PLXDC1: variants seen among roughly 807,000 people sequenced by gnomAD.
PLXDC1 encodes plexin domain containing 1, also known as plexin domain-containing protein 1.
A neutral mutation model predicts 61.3 loss-of-function variants in PLXDC1; 39 were observed. The ratio of observed to expected loss-of-function variants is 0.64; its 90% CI spans 0.49 to 0.83. The LOEUF is 0.83. PLXDC1 is among the 40% of genes least tolerant of loss of function. The pLI, the probability that PLXDC1 is intolerant of heterozygous loss-of-function variation, is 0.00. For missense variants in PLXDC1, 596 were observed against 666.5 expected (o/e 0.89, Z 1.17); for synonymous variants, 212 against 254.5 (o/e 0.83, Z 1.59).
At chr17:39,107,070 G>A (rs1910620134) in intron 6 of PLXDC1, among the ~76,000 whole-genome samples, 1 of 152,168 alleles carries the variant, frequency 6.6e-6, no homozygotes, top group Non-Finnish European at 1.5e-5. Context: ...TTTGCTTCCT[G>A]AACTCGTATT....
chr17:39,073,872 C>A (rs1299746440), intron 11 of PLXDC1, among the ~76,000 whole-genome samples: 1 of 152,204 alleles, frequency 6.6e-6, no homozygotes, highest in South Asian at 2.1e-4. Flanking sequence ...TTTGTGACAG[C>A]TACTTGCCAC....
At chr17:39,097,718 A>T (rs1910259132) in intron 7 of PLXDC1, among the ~76,000 whole-genome samples, 1 of 111,616 alleles carries the variant, frequency 9.0e-6, no homozygotes, top group Non-Finnish European at 1.8e-5. Context: ...TACAAATAAT[A>T]AATAAATAAA....
chr17:39,079,336 T>C, intron 9 of PLXDC1, 172 bp from the exon 10 acceptor site: 1 of 640,482 alleles, frequency 1.6e-6, no homozygotes, highest in Non-Finnish European at 2.9e-6. Context: ...AAGGTATTTG[T>C]GGCATCCCTG....
intron 7 of PLXDC1, among the ~76,000 whole-genome samples, chr17:39,095,879 G>A (rs1910175022): frequency 6.6e-6 from 1 of 152,008 alleles, no homozygotes; most frequent in Non-Finnish European, 1.5e-5. Flanking sequence ...TGGCCAGGCT[G>A]GTCTCAAACT....
intron 2 of PLXDC1, among the ~76,000 whole-genome samples, chr17:39,111,576 C>A (rs912298688): frequency 5.9e-5 from 9 of 152,174 alleles, no homozygotes; most frequent in Non-Finnish European, 1.3e-4. Context: ...TGAGCCACTG[C>A]GCCTAGCCAA....
At chr17:39,131,557 T>A (rs1249430174) in intron 2 of PLXDC1, among the ~76,000 whole-genome samples, 1 of 152,122 alleles carries the variant, frequency 6.6e-6, no homozygotes, top group Non-Finnish European at 1.5e-5. Context: ...TTCACCATGT[T>A]AGCCAGGCTG....
At chr17:39,107,352 G>C in intron 6 of PLXDC1, 55 bp downstream of exon 6, 1 of 1,028,734 alleles carries the variant, frequency 9.7e-7, no homozygotes, top group Non-Finnish European at 1.5e-6. Context: ...CTAAATATTT[G>C]CTGAATGAAG....
chr17:39,102,705 TACACAC>T (rs553513409), intron 7 of PLXDC1, among the ~76,000 whole-genome samples: 38 of 136,150 alleles, frequency 2.8e-4, no homozygotes, highest in African/African-American at 8.8e-4. Flanking sequence ...TGCTATCAAA[TACACAC>T]ACACACACAC....
At chr17:39,118,119 TCTC>T (rs1911049008) in intron 2 of PLXDC1, among the ~76,000 whole-genome samples, 1 of 132,232 alleles carries the variant, frequency 7.6e-6, no homozygotes, top group African/African-American at 2.8e-5. Context: ...CCTCTCTCTC[TCTC>T]AATCTCTTCC....
At chr17:39,089,948 C>G (rs1654838364) in intron 7 of PLXDC1, among the ~76,000 whole-genome samples, 1 of 152,102 alleles carries the variant, frequency 6.6e-6, no homozygotes, top group African/African-American at 2.4e-5. Flanking sequence ...CAGGTGCCCA[C>G]CACCACACCT....
chr17:39,071,829 G>C, intron 12 of PLXDC1, among the ~76,000 whole-genome samples: 1 of 152,278 alleles, frequency 6.6e-6, no homozygotes, highest in Admixed American at 6.5e-5. Flanking sequence ...ACAATCTCCA[G>C]CCCCCGGAGC....
chr17:39,130,453 A>C (rs1205155813), intron 2 of PLXDC1, among the ~76,000 whole-genome samples: 1 of 152,192 alleles, frequency 6.6e-6, no homozygotes. Flanking sequence ...ACCCTTTCTC[A>C]AGAACAAAAA....
chr17:39,124,103 C>T lies in PLXDC1; in HGVS notation c.256-14712G>A, dbSNP rs73983216. On this transcript the variant is annotated intron_variant, in intron 2 of 13. Transcript: ENST00000315392. ...TGCTTTTCCAAGAGCACCCCTGGGC[C>T]GCAACATCAGCATCACTGGGAGCCC... Among the ~76,000 whole-genome samples the T allele has an allele frequency of 4.1e-3, 625 of 152,072 alleles. 6 individuals carry two copies. Among genetic ancestry groups the T allele is most frequent in the African/African-American group, 0.014 (595 of 41,492 alleles).
At chr17:39,128,173 GTA>G (rs988152017) in intron 2 of PLXDC1, among the ~76,000 whole-genome samples, 5 of 89,058 alleles carry the variant, frequency 5.6e-5, no homozygotes, top group African/African-American at 7.7e-5. Context: ...GTATATATAT[GTA>G]TATATATATG....
chr17:39,078,019 C>A lies in PLXDC1; in HGVS notation c.1080G>T (p.Gln360His), dbSNP rs1909409379. ...EAEGRMCEDF[Q>H]DEDHDSASPD... ...GGGAGGCTGAGTCGTGGTCCTCATC[C>A]TGGAAGTCCTCGCACATCCTGCCCT... The change falls in exon 11 of 14, where the codon CAG becomes CAT. Residue 360 changes from glutamine (Q) to histidine (H), a missense_variant. By Grantham distance (24) the Gln-to-His change is conservative (BLOSUM62 0). Coordinates refer to ENST00000315392, the MANE Select transcript of PLXDC1 (RefSeq NM_020405.5). The A allele has an allele frequency of 6.2e-7, 1 of 1,611,840 alleles. No individual in the cohort carries two copies. The highest frequency in any genetic ancestry group is 1.3e-5 in the African/African-American group (1 of 75,014).
At chr17:39,116,623 T>G (rs190842199) in intron 2 of PLXDC1, among the ~76,000 whole-genome samples, 6 of 152,308 alleles carry the variant, frequency 3.9e-5, no homozygotes, top group African/African-American at 1.4e-4. Flanking sequence ...TGTCTCTGGA[T>G]TCCTCAATTT....
rs1908800752 is a variant in PLXDC1 at position 39,063,916 on chromosome 17, G to C, written c.*3924C>G. ...AGGAGAGAGAGCCTTAGCCTTGCCT[G>C]CAACCAGATGAATGGTTAGCTTTAG... On this transcript the variant is annotated 3_prime_UTR_variant, in exon 14 of 14. Transcript: ENST00000315392. The C allele has an allele frequency of 6.1e-6, 1 of 164,632 alleles. No homozygotes were observed. Among genetic ancestry groups the C allele is most frequent in the Admixed American group, 5.9e-5 (1 of 16,912 alleles). The allele number at this position is 164,632 out of a possible 1,614,324, so 10.2% of individuals were successfully genotyped here. A position where few individuals can be genotyped will look rare whatever the true frequency, so the allele number is the denominator to read the frequency against.
rs369162997 is a variant in PLXDC1, at chr17:39,069,872, G to A, written c.1367C>T (p.Ala456Val). 30 of 1,613,680 alleles carry A rather than the reference G, an allele frequency of 1.9e-5. No individual in the cohort carries two copies. Among genetic ancestry groups the A allele is most frequent in the African/African-American group, 1.7e-4 (13 of 74,916 alleles). The change falls in exon 13 of 14, where the codon GCG becomes GTG. Residue 456 changes from alanine (A) to valine (V), a missense_variant. By Grantham distance (64) the Ala-to-Val change is moderately conservative (BLOSUM62 0). Coordinates refer to ENST00000315392, the MANE Select transcript of PLXDC1 (RefSeq NM_020405.5). ...GACACGGACCTCGATGAAGAAGAGC[G>A]CAGCATTGGATGTGGGGTGGCCATT... is the stretch of plus-strand genomic sequence containing the variant. ...YINGHPTSNA[A>V]LFFIERRPHH...
At chr17:39,113,470 AT>A (rs1288315749) in intron 2 of PLXDC1, among the ~76,000 whole-genome samples, 2 of 152,188 alleles carry the variant, frequency 1.3e-5, no homozygotes, top group Admixed American at 1.3e-4. Flanking sequence ...TGCTTAGGCC[AT>A]TCTGTGGCTC....
Sources: allele counts gnomAD v4.1 joint callset (sites outside exome capture counted in the v4.1 genomes callset), GRCh38; gene constraint gnomAD v4.1.1; transcripts MANE v1.5; gene names NCBI Gene and HGNC (gene_info 2026-07-23, HGNC 2026-07-21).